UBE2L3: variants seen among roughly 807,000 people sequenced by gnomAD.
UBE2L3 encodes the protein ubiquitin-conjugating enzyme E2 L3.
UBE2L3 carries 1 observed loss-of-function variant against 17.8 expected under a neutral mutation model. The observed-to-expected ratio is 0.06, with a 90% CI of 0.02 to 0.27. UBE2L3 has a LOEUF of 0.27. Ranked by LOEUF, UBE2L3 falls within the 10% of genes least tolerant of loss-of-function variation. The pLI, the probability that UBE2L3 is intolerant of heterozygous loss-of-function variation, is 1.00. For synonymous variants in UBE2L3, 44 were observed against 68.5 expected (o/e 0.64, Z 1.76); for missense variants, 40 against 192.6 (o/e 0.21, Z 4.69).
chr22:21,571,614 C>T (rs1351960213), intron 1 of UBE2L3, among the ~76,000 whole-genome samples: 1 of 152,188 alleles, frequency 6.6e-6, no homozygotes, highest in Non-Finnish European at 1.5e-5. Flanking sequence ...GTTTGCCATG[C>T]TGGTCTCTAA....
chr22:21,588,757 G>A (rs1255533846), intron 1 of UBE2L3, among the ~76,000 whole-genome samples: 1 of 151,800 alleles, frequency 6.6e-6, no homozygotes, highest in Non-Finnish European at 1.5e-5. Context: ...TCCGCCTCCT[G>A]GGTTCAAGCA....
chr22:21,610,055 GA>G (rs1303095737), intron 2 of UBE2L3, among the ~76,000 whole-genome samples: 4 of 152,108 alleles, frequency 2.6e-5, no homozygotes, highest in Non-Finnish European at 5.9e-5. Flanking sequence ...AGCTTCTAAC[GA>G]CAAATTTATT....
rs1477688986 is a variant in UBE2L3, at chr22:21,554,305, TG to T, written c.201+4658del. Reference sequence around the variant, plus strand: ...GAGATCCCGCCACTGCACTCCAGCCTGGGCGACAGAGCAAGACTCCATCTCA... The same window carrying T: ...GAGATCCCGCCACTGCACTCCAGCCTGGCGACAGAGCAAGACTCCATCTCA... On this transcript the variant is annotated intron_variant, in intron 1 of 3. Transcript: ENST00000458578. Among the ~76,000 whole-genome samples, 2 of 45,198 alleles carry T rather than the reference TG, an allele frequency of 4.4e-5. 1 individual carries two copies. Among genetic ancestry groups the T allele is most frequent in the Admixed American group, 3.6e-4 (2 of 5,544 alleles). 29.7% of individuals were successfully genotyped at this position (45,198 alleles called of 152,430 possible). A position where few individuals can be genotyped will look rare whatever the true frequency, so the allele number is the denominator to read the frequency against.
chr22:21,560,695 C>A (rs560383069), intron 1 of UBE2L3, among the ~76,000 whole-genome samples: 237 of 150,928 alleles, frequency 1.6e-3, no homozygotes, highest in Non-Finnish European at 2.5e-3. Flanking sequence ...AGGTGATCTG[C>A]CCACCTCAGC....
chr22:21,602,963 T>C (rs962005890), intron 2 of UBE2L3, among the ~76,000 whole-genome samples: 1 of 152,136 alleles, frequency 6.6e-6, no homozygotes, highest in Non-Finnish European at 1.5e-5. Flanking sequence ...CATTTCCAAA[T>C]GCAAGTGATG....
rs1335232917 is a variant in UBE2L3 at position 21,618,457 on chromosome 22, C to T, written c.311-3058C>T. On this transcript the variant is annotated intron_variant, in intron 3 of 3. Transcript: ENST00000342192. ...GGCAGGTGCCTGTAATCCCACTACC[C>T]GGGAGGCTGAGGCAGGAGAATGGCA... is the stretch of plus-strand genomic sequence containing the variant. Among the ~76,000 whole-genome samples the T allele has an allele frequency of 2.6e-5, 4 of 151,502 alleles. No individual in the cohort carries two copies. The East Asian group carries it at 5.9e-4, about 22-fold the overall frequency.
intron 2 of UBE2L3, among the ~76,000 whole-genome samples, chr22:21,601,831 G>A (rs1228614536): frequency 6.6e-6 from 1 of 151,872 alleles, no homozygotes; most frequent in East Asian, 2.0e-4. Flanking sequence ...AATTAGCCGG[G>A]CGTGGTGGTG....
In UBE2L3 at chr22:21,599,526, C is replaced by T. The variant is rs1434821495; in HGVS notation, c.123+6570C>T. Among the ~76,000 whole-genome samples the T allele has an allele frequency of 2.0e-5, 3 of 151,984 alleles. No individual in the cohort carries two copies. In the East Asian group the frequency reaches 5.8e-4, roughly 29 times the overall value. On this transcript the variant is annotated intron_variant, in intron 2 of 3. Coordinates refer to ENST00000342192, the MANE Select transcript of UBE2L3 (RefSeq NM_003347.4). ...ATGGTCTCTTAAGCACTGAGTGTGG[C>T]TCCACCTGCAAGGCACTTAAGACCA...
intron 1 of UBE2L3, among the ~76,000 whole-genome samples, chr22:21,575,412 TAAAAAAA>T (rs547379857): frequency 9.8e-6 from 1 of 101,742 alleles, no homozygotes; most frequent in East Asian, 3.1e-4. Context: ...CCATCTCTAC[TAAAAAAA>T]AAAAAAAAAA....
intron 3 of UBE2L3, among the ~76,000 whole-genome samples, chr22:21,613,456 C>G (rs1251144623): frequency 6.6e-6 from 1 of 152,012 alleles, no homozygotes; most frequent in Admixed American, 6.6e-5. Flanking sequence ...ATGGACAGAA[C>G]TGGAATTGCT....
At chr22:21,617,129 A>G (rs1473146987) in intron 3 of UBE2L3, among the ~76,000 whole-genome samples, 1 of 147,676 alleles carries the variant, frequency 6.8e-6, no homozygotes, top group Admixed American at 6.8e-5. Flanking sequence ...TGGGCAACAG[A>G]GCGAAACTCT....
intron 2 of UBE2L3, among the ~76,000 whole-genome samples, chr22:21,610,444 A>G (rs1465619545): frequency 1.3e-5 from 2 of 152,204 alleles, no homozygotes; most frequent in African/African-American, 2.4e-5. Flanking sequence ...CTGAGTGGTA[A>G]TGATGTGTTA....
At chr22:21,571,991 C>T (rs750244219) in intron 1 of UBE2L3, among the ~76,000 whole-genome samples, 3 of 152,026 alleles carry the variant, frequency 2.0e-5, no homozygotes, top group South Asian at 2.1e-4. Flanking sequence ...AAAAACGTTG[C>T]GTCTTTTTTT....
chr22:21,611,170 G>A, intron 3 of UBE2L3, 127 bp downstream of exon 3: 1 of 1,125,878 alleles, frequency 8.9e-7, no homozygotes, highest in South Asian at 1.7e-5. Context: ...TGTAGCTGAG[G>A]TCCTGTCAGA....
chr22:21,613,627 C>A (rs950575213), intron 3 of UBE2L3, among the ~76,000 whole-genome samples: 6 of 152,116 alleles, frequency 3.9e-5, no homozygotes, highest in Non-Finnish European at 7.3e-5. Context: ...GCATTATAAC[C>A]CCTATCAAAA....
chr22:21,564,299 G>A (rs1425002981), upstream of UBE2L3, among the ~76,000 whole-genome samples: 8 of 152,114 alleles, frequency 5.3e-5, no homozygotes, highest in Admixed American at 5.2e-4. Flanking sequence ...CTCCCCAAGT[G>A]CTAGGATTAC....
At chr22:21,568,890 G>A (rs1036345650) in intron 1 of UBE2L3, among the ~76,000 whole-genome samples, 1 of 152,136 alleles carries the variant, frequency 6.6e-6, no homozygotes, top group Non-Finnish European at 1.5e-5. Context: ...CCTTTCTTTT[G>A]TTCCCTAAGG....
chr22:21,618,621 C>G (rs1051780883), intron 3 of UBE2L3, among the ~76,000 whole-genome samples: 1 of 149,366 alleles, frequency 6.7e-6, no homozygotes, highest in African/African-American at 2.4e-5. Flanking sequence ...TAGGGTCTTG[C>G]TGTGTCACTC....
intron 1 of UBE2L3, among the ~76,000 whole-genome samples, chr22:21,558,225 A>T (rs1394904138): frequency 6.6e-6 from 1 of 151,640 alleles, no homozygotes; most frequent in South Asian, 2.1e-4. Context: ...GGCCTTGAGG[A>T]GGGGAATGGG....
Sources: gnomAD v4.1 joint callset for allele counts (sites outside exome capture counted in the v4.1 genomes callset) on GRCh38, gnomAD v4.1.1 for gene constraint, MANE v1.5 for transcripts, NCBI Gene and HGNC (gene_info 2026-07-23, HGNC 2026-07-21) for gene names.